Variants in AKAP9 observed in about 807,000 individuals in gnomAD.
The protein encoded by AKAP9 is A-kinase anchoring protein 9, also known as A-kinase anchor protein 9.
AKAP9 carries 311 observed loss-of-function variants against 488.5 expected under a neutral mutation model. That is an observed-to-expected ratio of 0.64 (90% CI 0.58 to 0.70). The LOEUF (loss-of-function observed/expected upper bound fraction) is 0.70, where lower values mean the gene tolerates loss of function less well. AKAP9 is among the 30% of genes least tolerant of loss of function. The pLI, the probability that AKAP9 is intolerant of heterozygous loss-of-function variation, is 0.00. For missense variants in AKAP9, 4,215 were observed against 4,374.5 expected, an observed-to-expected ratio of 0.96 and a Z score of 1.03; for synonymous variants, 1,462 against 1,483.5, an observed-to-expected ratio of 0.99 and a Z score of 0.33.
chr7:92,077,394 A>G (rs1164535630), intron 29 of AKAP9, among the ~76,000 whole-genome samples: 1 of 151,994 alleles, frequency 6.6e-6, no homozygotes. Context: ...CCTGGCCCCT[A>G]TATTGCTTTA....
chr7:92,052,633 C>G, intron 21 of AKAP9, 93 bp from the exon 22 acceptor site: 1 of 867,518 alleles, frequency 1.2e-6, no homozygotes, highest in South Asian at 1.8e-5. Flanking sequence ...TTACAATTTC[C>G]ATGATTTCCA....
At position 92,042,760 on chromosome 7, in the gene AKAP9, G is replaced by T. The variant is rs1806324619; in HGVS notation, c.5151G>T (p.Leu1717Phe). The change falls in exon 20 of 50, where the codon TTG becomes TTT. Residue 1717 changes from leucine to phenylalanine, a missense_variant. This residue lies in a region of AKAP9 where 2,361 missense variants were observed against 2,430.0 expected (regional missense o/e 0.97). Coordinates refer to ENST00000356239, the MANE Select transcript of AKAP9 (RefSeq NM_005751.5). Reference sequence around the variant, plus strand: ...CTGAAGATGTGCCTCCTGAGATTTTGTCTAATGAAAGGTATACAAAATGTG... The same window carrying T: ...CTGAAGATGTGCCTCCTGAGATTTTTTCTAATGAAAGGTATACAAAATGTG... ...RKPEDVPPEI[L>F]SNERYALQKA... The T allele has an allele frequency of 6.2e-7, 1 of 1,607,906 alleles. No individual in the cohort carries two copies. Among genetic ancestry groups the T allele is most frequent in the Non-Finnish European group, 8.5e-7 (1 of 1,175,240 alleles).
intron 1 of AKAP9, among the ~76,000 whole-genome samples, chr7:91,972,112 C>T (rs1007483132): frequency 2.0e-5 from 3 of 150,206 alleles, no homozygotes; most frequent in South Asian, 2.1e-4. Context: ...CATCCTTGAT[C>T]GGTAAGGTCC....
chr7:91,950,607 T>C (rs1473969300), intron 1 of AKAP9, among the ~76,000 whole-genome samples: 1 of 152,208 alleles, frequency 6.6e-6, no homozygotes, highest in African/African-American at 2.4e-5. Context: ...GGATCAATTA[T>C]AACTAAAATA....
chr7:92,104,190 A>ATT (rs879741854), intron 46 of AKAP9, among the ~76,000 whole-genome samples: 54 of 142,656 alleles, frequency 3.8e-4, no homozygotes, highest in Middle Eastern at 3.5e-3. Flanking sequence ...TTATTTATTT[A>ATT]TTTTTTTTTT....
chr7:92,066,320 C>CT (rs1810754783), intron 25 of AKAP9, 107 bp from the exon 26 acceptor site: 2 of 1,398,588 alleles, frequency 1.4e-6, no homozygotes, highest in East Asian at 4.7e-5. Flanking sequence ...ATCATCAGTC[C>CT]TTTGTCTTCA....
intron 18 of AKAP9, chr7:92,041,211 T>C (rs1806056803): frequency 3.3e-6 from 1 of 304,450 alleles, no homozygotes; most frequent in Non-Finnish European, 6.1e-6. Flanking sequence ...TTTAAATCAT[T>C]CCATTAGCCA....
chr7:92,106,251 T>C (rs904759152), intron 47 of AKAP9, among the ~76,000 whole-genome samples: 3 of 152,252 alleles, frequency 2.0e-5, no homozygotes, highest in African/African-American at 7.2e-5. Flanking sequence ...TTCACTGTTT[T>C]AAAGAGGGTA....
At chr7:91,947,925 T>C (rs1479816325) in intron 1 of AKAP9, among the ~76,000 whole-genome samples, 3 of 152,178 alleles carry the variant, frequency 2.0e-5, no homozygotes, top group Non-Finnish European at 4.4e-5. Flanking sequence ...TCTCAAAATA[T>C]AACCCTGTGC....
rs369904690 is a variant in AKAP9 at position 92,081,494 on chromosome 7, TATA to T, written c.8020-1027_8020-1025del. On this transcript the variant is annotated intron_variant, in intron 31 of 49. Coordinates refer to ENST00000356239, the MANE Select transcript of AKAP9 (RefSeq NM_005751.5). ...TAATTTATATATATATATATATATA[TATA>T]TTTTTTTTTTTTTAGTAGAGACGAG... Among the ~76,000 whole-genome samples the T allele has an allele frequency of 3.3e-3, 265 of 79,308 alleles. 1 individual carries two copies. The highest frequency in any genetic ancestry group is 6.3e-3 in the Middle Eastern group (1 of 158). The allele number at this position is 79,308 out of a possible 152,430, so 52.0% of individuals were successfully genotyped here. A position where few individuals can be genotyped will look rare whatever the true frequency, so the allele number is the denominator to read the frequency against.
chr7:91,993,189 T>G (rs1250894631), intron 5 of AKAP9, 134 bp downstream of exon 5: 5 of 962,300 alleles, frequency 5.2e-6, no homozygotes, highest in Non-Finnish European at 7.6e-6. Flanking sequence ...CTTCTTCTTC[T>G]TCTTCTTTTT....
At chr7:92,058,418 A>G in intron 22 of AKAP9, 1 of 501,546 alleles carries the variant, frequency 2.0e-6, no homozygotes. Flanking sequence ...TTATTCAGTA[A>G]GTATAAAAAA....
intron 16 of AKAP9, among the ~76,000 whole-genome samples, chr7:92,036,504 A>G (rs1162476983): frequency 1.3e-5 from 2 of 152,004 alleles, no homozygotes; most frequent in Non-Finnish European, 2.9e-5. Context: ...TTCATTGATC[A>G]TCTTGAATCT....
rs543280163 is a variant in AKAP9, at chr7:92,085,337, TGG to T, written c.8833-157_8833-156del. On this transcript the variant is annotated intron_variant, in intron 35 of 49. Transcript: ENST00000356239. ...AAAGTCATAGGCCATCTGCTGGGGT[TGG>T]CTTACCCCTCCACAGGAAGAAGGCA... Among the ~76,000 whole-genome samples, 451 of 152,326 alleles carry T rather than the reference TGG, an allele frequency of 3.0e-3. 2 individuals carry two copies. Among genetic ancestry groups the T allele is most frequent in the Middle Eastern group, 6.8e-3 (2 of 294 alleles).
intron 32 of AKAP9, 40 bp downstream of exon 32, chr7:92,082,702 C>T: frequency 6.2e-7 from 1 of 1,606,572 alleles, no homozygotes. Context: ...CTCATTTCTA[C>T]CTATCTTAAT....
At chr7:92,030,751 C>G (rs1251186324) in intron 15 of AKAP9, among the ~76,000 whole-genome samples, 1 of 151,960 alleles carries the variant, frequency 6.6e-6, no homozygotes, top group African/African-American at 2.4e-5. Context: ...AAAAAAGTTC[C>G]ACATCTTTTA....
chr7:92,051,788 T>G (rs1808022979), intron 21 of AKAP9, among the ~76,000 whole-genome samples: 1 of 152,218 alleles, frequency 6.6e-6, no homozygotes, highest in Non-Finnish European at 1.5e-5. Context: ...TGGTTAACTT[T>G]GTACAGTTAC....
At chr7:92,076,530 A>C (rs926557678) in intron 28 of AKAP9, among the ~76,000 whole-genome samples, 4 of 152,076 alleles carry the variant, frequency 2.6e-5, no homozygotes, top group African/African-American at 4.8e-5. Context: ...ACTAAGATTT[A>C]ATATGTGGAC....
chr7:92,036,997 C>T (rs2130772861), intron 16 of AKAP9, among the ~76,000 whole-genome samples: 1 of 152,212 alleles, frequency 6.6e-6, no homozygotes. Flanking sequence ...AACAGAATGG[C>T]ATATAATGTT....
Sources: gnomAD v4.1 joint callset for allele counts (sites outside exome capture counted in the v4.1 genomes callset) on GRCh38, gnomAD v4.1.1 for gene constraint, gnomAD v4.1.1 regional missense constraint, MANE v1.5 for transcripts, NCBI Gene and HGNC (gene_info 2026-07-23, HGNC 2026-07-21) for gene names.